Variants in CFAP47 observed in about 807,000 individuals in gnomAD.
The protein encoded by CFAP47 is cilia- and flagella-associated protein 47.
In CFAP47, 29 loss-of-function variants were observed where a neutral mutation model predicts 148.1. The observed-to-expected ratio is 0.20, with a 90% CI of 0.15 to 0.27. CFAP47 has a LOEUF of 0.27. CFAP47 is among the 10% of genes least tolerant of loss of function. CFAP47 has a pLI of 1.00. For missense variants in CFAP47, 1,872 were observed against 1,697.5 expected (o/e 1.10, Z -1.81); for synonymous variants, 664 against 577.3 (o/e 1.15, Z -2.15).
At chrX:36,356,304 A>T (rs889892871) in intron 60 of CFAP47, among the ~76,000 whole-genome samples, 5 of 111,019 alleles carry the variant, frequency 4.5e-5, no homozygotes, top group Admixed American at 9.6e-5. Flanking sequence ...ATACCACCAC[A>T]CTCAACAAGC....
intron 33 of CFAP47, among the ~76,000 whole-genome samples, chrX:36,127,083 A>G (rs1964701702): frequency 2.7e-5 from 3 of 111,860 alleles, no homozygotes; most frequent in Admixed American, 9.5e-5. Flanking sequence ...GCTGTGCAGA[A>G]GTTTTTTAGT....
At chrX:36,166,139 C>T (rs960638383) in intron 39 of CFAP47, among the ~76,000 whole-genome samples, 4 of 111,830 alleles carry the variant, frequency 3.6e-5, no homozygotes, top group African/African-American at 9.7e-5. Flanking sequence ...ATTTCTGTGA[C>T]CTGATCCAGC....
intron 22 of CFAP47, among the ~76,000 whole-genome samples, chrX:36,028,383 G>GT (rs1274432722): frequency 9.0e-6 from 1 of 111,079 alleles, no homozygotes; most frequent in East Asian, 2.8e-4. Flanking sequence ...TTTTAGGATT[G>GT]TTTTTTCTAA....
rs1940579154 is a variant in CFAP47, at chrX:36,243,722, T to C, written c.7332+6863T>C. On this transcript the variant is annotated intron_variant, in intron 48 of 63. Coordinates refer to ENST00000378653, the MANE Select transcript of CFAP47 (RefSeq NM_001304548.2). ...CGAGCATCCAGATTCATGAAACAAG[T>C]TCTTGATGTTCCAAAGACATAGACA... 4.1e-5 allele frequency among the ~76,000 whole-genome samples: 4 copies of C among 97,218 alleles called. No homozygotes were observed. The South Asian group carries it at 2.3e-3, about 55-fold the overall frequency. 84.4% of individuals were successfully genotyped at this position (97,218 alleles called of 115,157 possible).
At chrX:36,038,374 A>G (rs1304209845) in intron 24 of CFAP47, among the ~76,000 whole-genome samples, 2 of 112,182 alleles carry the variant, frequency 1.8e-5, no homozygotes, top group Non-Finnish European at 3.8e-5. Flanking sequence ...TCTGTGATGG[A>G]AACTGTCCCC....
chrX:35,971,581 T>C lies in CFAP47; in HGVS notation c.1971-5T>C. 9.4e-7 allele frequency: 1 copy of C among 1,061,704 alleles called. No homozygotes were observed. Among genetic ancestry groups the C allele is most frequent in the Non-Finnish European group, 1.2e-6 (1 of 802,379 alleles). The allele number at this position is 1,061,704 out of a possible 1,213,427, so 87.5% of individuals were successfully genotyped here. A position where few individuals can be genotyped will look rare whatever the true frequency, so the allele number is the denominator to read the frequency against. ...TACTGATTATTATTATTATTAATTTTATAGGGAGCGCATGTATTCATATGA... is the reference window on the plus strand; with the variant it reads ...TACTGATTATTATTATTATTAATTTCATAGGGAGCGCATGTATTCATATGA... On this transcript the variant is annotated splice_region_variant and splice_polypyrimidine_tract_variant and intron_variant, in intron 11 of 63. Coordinates refer to ENST00000378653, the MANE Select transcript of CFAP47 (RefSeq NM_001304548.2).
At chrX:35,942,859 C>G (rs1283693267) in intron 3 of CFAP47, among the ~76,000 whole-genome samples, 1 of 111,755 alleles carries the variant, frequency 8.9e-6, no homozygotes, top group Admixed American at 9.6e-5. Flanking sequence ...AGGAAAAATA[C>G]TGCGCATTGG....
At chrX:36,344,375 T>C (rs1556016265) in intron 57 of CFAP47, among the ~76,000 whole-genome samples, 2 of 110,383 alleles carry the variant, frequency 1.8e-5, no homozygotes, top group African/African-American at 6.6e-5. Flanking sequence ...TTCTTTTCAA[T>C]GTTAATTTTC....
In CFAP47 at chrX:35,921,517, T is replaced by C. The variant is rs144348014; in HGVS notation, c.249+1469T>C. On this transcript the variant is annotated intron_variant, in intron 1 of 63. Transcript: ENST00000378653. ...TGTTTGGATGTGGACAACCACTATT[T>C]TATGGATGTTCAGGGGACACTTGTA... 8.3e-3 allele frequency among the ~76,000 whole-genome samples: 932 copies of C among 112,023 alleles called. 6 individuals are homozygous for C. The highest frequency in any genetic ancestry group is 0.012 in the Non-Finnish European group (624 of 53,217).
chrX:36,320,104 G>A (rs924727107), intron 57 of CFAP47, among the ~76,000 whole-genome samples: 1 of 111,339 alleles, frequency 9.0e-6, no homozygotes, highest in Admixed American at 9.6e-5. Context: ...GGGCTTACAG[G>A]GGTGAGCCAC....
At chrX:36,310,575 C>G (rs1228048259) in intron 55 of CFAP47, among the ~76,000 whole-genome samples, 1 of 109,940 alleles carries the variant, frequency 9.1e-6, no homozygotes, top group Non-Finnish European at 1.9e-5. Context: ...GCTATAATAA[C>G]TTTATGTGCA....
chrX:36,027,040 G>A lies in CFAP47; in HGVS notation c.3557-4213G>A, dbSNP rs180876257. Among the ~76,000 whole-genome samples, 15 of 103,855 alleles carry A rather than the reference G, an allele frequency of 1.4e-4. No individual in the cohort carries two copies. The East Asian group carries it at 4.5e-3, about 31-fold the overall frequency. The allele number at this position is 103,855 out of a possible 115,157, so 90.2% of individuals were successfully genotyped here. A position where few individuals can be genotyped will look rare whatever the true frequency, so the allele number is the denominator to read the frequency against. On this transcript the variant is annotated intron_variant, in intron 22 of 63. Coordinates refer to ENST00000378653, the MANE Select transcript of CFAP47 (RefSeq NM_001304548.2). Reference sequence around the variant, plus strand: ...TTTTAGAAACGTCTCTTTTCTCCTGGTGTTCCATTATTTTATACTGGTGAC... The same window carrying A: ...TTTTAGAAACGTCTCTTTTCTCCTGATGTTCCATTATTTTATACTGGTGAC...
Position 36,073,221 on chromosome X carries a change from A to T in CFAP47, c.4548A>T (p.Lys1516Asn). The change falls in exon 29 of 64, where the codon AAA becomes AAT. Residue 1516 changes from lysine (K) to asparagine (N), a missense_variant. Transcript: ENST00000378653. ...ATCATGGGTCTCTGGAAAAGGAAAA[A>T]TATGAACAATTCCTTTCTCTTGAGG... ...EEDHGSLEKE[K>N]YEQFLSLEEG... 8.3e-7 allele frequency: 1 copy of T among 1,209,444 alleles called. No individual in the cohort carries two copies. Among genetic ancestry groups the T allele is most frequent in the African/African-American group, 1.7e-5 (1 of 57,666 alleles).
At chrX:36,172,877 C>G (rs1328946424) in intron 39 of CFAP47, among the ~76,000 whole-genome samples, 1 of 111,489 alleles carries the variant, frequency 9.0e-6, no homozygotes, top group African/African-American at 3.3e-5. Flanking sequence ...AGGAATGGTA[C>G]CAGTTCCTCC....
chrX:36,237,669 C>T (rs1342497657), intron 48 of CFAP47, among the ~76,000 whole-genome samples: 6 of 111,918 alleles, frequency 5.4e-5, no homozygotes, highest in African/African-American at 2.0e-4. Context: ...CTCTGTCATC[C>T]TCACTTGGTT....
At chrX:35,934,317 C>T (rs1018662930) in intron 2 of CFAP47, among the ~76,000 whole-genome samples, 5 of 110,987 alleles carry the variant, frequency 4.5e-5, no homozygotes, top group Non-Finnish European at 7.6e-5. Flanking sequence ...GAGGCAGAGG[C>T]GCCTCACCCT....
At chrX:36,030,742 T>C (rs1226200917) in intron 22 of CFAP47, among the ~76,000 whole-genome samples, 1 of 110,987 alleles carries the variant, frequency 9.0e-6, no homozygotes, top group South Asian at 3.7e-4. Flanking sequence ...TAGATTATAA[T>C]ATCTTCTCTA....
intron 51 of CFAP47, among the ~76,000 whole-genome samples, chrX:36,292,830 A>C (rs372460438): frequency 1.3e-4 from 14 of 111,488 alleles, no homozygotes; most frequent in Middle Eastern, 4.7e-3. Context: ...GAGACTTTTA[A>C]ATTCCTTTTG....
At chrX:36,212,545 ATG>A (rs1205535954) in intron 45 of CFAP47, among the ~76,000 whole-genome samples, 14 of 110,965 alleles carry the variant, frequency 1.3e-4, no homozygotes. Context: ...ATTTTTTTTT[ATG>A]TCTTTAGAAA....
Sources: allele counts gnomAD v4.1 joint callset (sites outside exome capture counted in the v4.1 genomes callset), GRCh38; gene constraint gnomAD v4.1.1; transcripts MANE v1.5; gene names NCBI Gene and HGNC (gene_info 2026-07-23, HGNC 2026-07-21).